Variants in PRKAG1 observed in about 807,000 individuals in gnomAD.
The protein encoded by PRKAG1 is protein kinase AMP-activated non-catalytic subunit gamma 1.
In PRKAG1, 27 loss-of-function variants were observed where a neutral mutation model predicts 48.2. The ratio of observed to expected loss-of-function variants is 0.56; its 90% confidence interval spans 0.41 to 0.77. The LOEUF is 0.77. PRKAG1 is among the 30% of genes least tolerant of loss of function. PRKAG1 has a pLI of 0.00. For missense variants in PRKAG1, 287 were observed against 398.3 expected (o/e 0.72, Z 2.38); for synonymous variants, 130 against 147.7 (o/e 0.88, Z 0.87).
intron 10 of PRKAG1, 42 bp downstream of exon 10, chr12:49,003,516 C>T (rs181178231): frequency 1.6e-5 from 26 of 1,600,662 alleles, no homozygotes; most frequent in South Asian, 9.9e-5. Context: ...GTGCCCCCCC[C>T]CCACCACTTC....
At chr12:49,004,192 T>G (rs1257802710) in intron 8 of PRKAG1, 17 of 518,450 alleles carry the variant, frequency 3.3e-5, no homozygotes, top group Non-Finnish European at 5.3e-5. Flanking sequence ...TTCTGGGGGT[T>G]GAGGTCGGGG....
rs200606048 is a variant in PRKAG1 at position 49,003,186 on chromosome 12, A to G, written c.846T>C (p.His282=). The change falls in exon 11 of 12, where the codon CAT becomes CAC. Residue 282 remains histidine (H), a synonymous_variant. Transcript: ENST00000548065. ...TGTTGATGATGGTCTCCAGAGTCTC[A>G]TGCAGGTAGCACTTGAGAACACCCT... ...YFEGVLKCYL[H]ETLETIINRL... 2.5e-6 allele frequency: 4 copies of G among 1,614,154 alleles called. No homozygotes were observed. The highest frequency in any genetic ancestry group is 3.4e-6 in the Non-Finnish European group (4 of 1,180,028).
intron 2 of PRKAG1, among the ~76,000 whole-genome samples, chr12:49,006,220 T>G (rs1941529437): frequency 6.6e-6 from 1 of 152,204 alleles, no homozygotes; most frequent in African/African-American, 2.4e-5. Context: ...TCCTCTTTTT[T>G]CAATGAAGTA....
intron 2 of PRKAG1, chr12:49,008,549 T>C (rs765255724): frequency 6.6e-6 from 1 of 152,188 alleles, no homozygotes; most frequent in Non-Finnish European, 1.5e-5. Flanking sequence ...CGCGTTTTTA[T>C]CTTTTTTGAT....
chr12:49,005,079 G>T lies in PRKAG1; in HGVS notation c.355+41C>A. ...ATGGAAAAGTGTTTCCCAGAAACCC[G>T]CCATCCCTTTATCCTTTTATAACCC... On this transcript the variant is annotated intron_variant, in intron 6 of 11. Transcript: ENST00000548065. The surrounding 1 kb of genome is among the most constrained non-coding windows in gnomAD (Gnocchi z 4.1). The T allele has an allele frequency of 6.2e-7, 1 of 1,612,816 alleles. No homozygotes were observed. The highest frequency in any genetic ancestry group is 1.3e-5 in the African/African-American group (1 of 74,814).
chr12:49,016,086 T>C (rs1941958204), intron 1 of PRKAG1, among the ~76,000 whole-genome samples: 1 of 151,872 alleles, frequency 6.6e-6, no homozygotes, highest in Non-Finnish European at 1.5e-5. Context: ...TACAGGAACA[T>C]ACCACCAGGC....
chr12:49,006,120 T>C (rs1210868496), intron 2 of PRKAG1, among the ~76,000 whole-genome samples: 1 of 152,218 alleles, frequency 6.6e-6, no homozygotes, highest in Non-Finnish European at 1.5e-5. Context: ...ATAAAGCCTA[T>C]AGTATCTCTC....
rs34375562 is a variant in PRKAG1 at position 49,004,813 on chromosome 12, C to CTTTGTG, written c.410+150_410+151insCACAAA. 18 of 714,342 alleles carry CTTTGTG rather than the reference C, an allele frequency of 2.5e-5. No homozygotes were observed. In the African/African-American group the frequency reaches 3.5e-4, roughly 14 times the overall value. 44.3% of individuals were successfully genotyped at this position (714,342 alleles called of 1,614,324 possible). A position where few individuals can be genotyped will look rare whatever the true frequency, so the allele number is the denominator to read the frequency against. On this transcript the variant is annotated intron_variant, in intron 7 of 11. Transcript: ENST00000548065. The stretch of plus-strand genomic sequence containing the variant: ...AGTGAGAATGAGAGAGAGAGAGAGA[C>CTTTGTG]TGTGTGTGTGTGTGTGTGTGTGTGT...
chr12:49,013,087 T>G lies in PRKAG1; in HGVS notation c.33A>C (p.Pro11=), dbSNP rs192285735. 2.7e-5 allele frequency: 44 copies of G among 1,613,860 alleles called. No individual in the cohort carries two copies. The Admixed American group carries it at 7.3e-4, about 27-fold the overall frequency. ...CTTGAGGATGCTCATTTTCCACAGC[T>G]GGGGAGCTATCTGAAGAAATGACCT... METVISSDSS[P]AVENEHPQET... Residue 11 remains proline, a synonymous_variant, in exon 2 of 12, where the codon CCA becomes CCC. Transcript: ENST00000548065.
intron 2 of PRKAG1, among the ~76,000 whole-genome samples, chr12:49,010,063 G>C (rs1941695670): frequency 6.6e-6 from 1 of 152,094 alleles, no homozygotes; most frequent in Non-Finnish European, 1.5e-5. Context: ...ACATGAGGTT[G>C]GGAGAGGCAG....
In PRKAG1 at chr12:49,005,674, G is replaced by T; in HGVS notation, c.168+69C>A. On this transcript the variant is annotated intron_variant, in intron 3 of 11. Transcript: ENST00000548065. This position sits in a 1 kb window ranked among gnomAD's most constrained non-coding sequence, Gnocchi z 4.1. ...AGAAGGATAAGGATATTACCCTTAG[G>T]ATGAGATAGGATGAGAGGTATTAAA... The T allele has an allele frequency of 6.2e-7, 1 of 1,606,614 alleles. No individual in the cohort carries two copies. The highest frequency in any genetic ancestry group is 8.5e-7 in the Non-Finnish European group (1 of 1,173,554).
Position 49,005,465 on chromosome 12 carries a change from C to A in PRKAG1, c.247G>T (p.Val83Leu), listed in dbSNP as rs757527010. The change falls in exon 4 of 12, where the codon GTG becomes TTG. Residue 83 changes from valine to leucine, a missense_variant. This residue lies in a region of PRKAG1 where 224 missense variants were observed against 344.3 expected (regional missense o/e 0.65). Transcript: ENST00000548065. This position sits in a 1 kb window ranked among gnomAD's most constrained non-coding sequence, Gnocchi z 4.1. ...PLWDSKKQSF[V>L]GMLTITDFIN... ...TGTTCCAGAAACTTTTGCTTACCCACAAAACTTTGCTTCTTACTATCCCAT... is the reference window on the plus strand; with the variant it reads ...TGTTCCAGAAACTTTTGCTTACCCAAAAAACTTTGCTTCTTACTATCCCAT... The A allele has an allele frequency of 6.2e-7, 1 of 1,614,134 alleles. No individual in the cohort carries two copies. The highest frequency in any genetic ancestry group is 1.1e-5 in the South Asian group (1 of 91,084).
Position 49,003,194 on chromosome 12 carries a change from A to T in PRKAG1, c.838T>A (p.Tyr280Asn). 1 of 1,614,178 alleles carries T rather than the reference A, an allele frequency of 6.2e-7. No individual in the cohort carries two copies. The highest frequency in any genetic ancestry group is 8.5e-7 in the Non-Finnish European group (1 of 1,180,022). The change falls in exon 11 of 12, where the codon TAC (tyrosine) becomes AAC (asparagine). Residue 280 changes from tyrosine to asparagine, a missense_variant. Tyr to Asn is a moderately radical substitution (Grantham distance 143). Around this residue, in one of 2 missense-constraint regions of PRKAG1, gnomAD observed 224 missense variants for 344.3 expected, o/e 0.65. Transcript: ENST00000548065. The part of the protein sequence containing the change: ...SHYFEGVLKC[Y>N]LHETLETIIN... ...ATGGTCTCCAGAGTCTCATGCAGGT[A>T]GCACTTGAGAACACCCTCAAAGTAA...
intron 2 of PRKAG1, among the ~76,000 whole-genome samples, chr12:49,006,357 G>A (rs1013671314): frequency 2.0e-5 from 3 of 151,436 alleles, no homozygotes; most frequent in Non-Finnish European, 2.9e-5. Flanking sequence ...GGGCAACACA[G>A]CGAACCCCTG....
rs749813516 is a variant in PRKAG1 at position 49,005,519 on chromosome 12, C to T, written c.193G>A (p.Val65Met). ...GGGGCAGCTCGTACACCGTTAGTCACCAAAGCAAAAAAAGCTTTCTTCACC... is the reference window on the plus strand; with the variant it reads ...GGGGCAGCTCGTACACCGTTAGTCATCAAAGCAAAAAAAGCTTTCTTCACC... Reference protein sequence around the residue: ...LQVKKAFFALVTNGVRAAPLW... With the variant: ...LQVKKAFFALMTNGVRAAPLW... The change falls in exon 4 of 12, where the codon GTG becomes ATG. Residue 65 changes from valine (V) to methionine (M), a missense_variant. Physicochemically the swap from Val to Met is conservative, Grantham distance 21. Transcript: ENST00000548065. The surrounding 1 kb of genome is among the most constrained non-coding windows in gnomAD (Gnocchi z 4.1). 1.5e-5 allele frequency: 25 copies of T among 1,613,954 alleles called. No homozygotes were observed. Among genetic ancestry groups the T allele is most frequent in the Non-Finnish European group, 2.1e-5 (25 of 1,180,008 alleles).
At chr12:49,016,575 T>A (rs932681361) in intron 1 of PRKAG1, 1 of 152,594 alleles carries the variant, frequency 6.6e-6, no homozygotes, top group Non-Finnish European at 1.5e-5. Context: ...ATTGCCAATA[T>A]CACAGCCTTA....
Position 49,018,748 on chromosome 12 carries a change from G to C in PRKAG1, c.-8C>G, listed in dbSNP as rs370096933. On this transcript the variant is annotated 5_prime_UTR_variant, in exon 1 of 12. Transcript: ENST00000548065. ...ACTCCTCACCGTCTCCATTGCAAGAGGCGCCCGGCTTGGTTTCCTCGCTTT... is the reference window on the plus strand; with the variant it reads ...ACTCCTCACCGTCTCCATTGCAAGACGCGCCCGGCTTGGTTTCCTCGCTTT... The C allele has an allele frequency of 6.2e-7, 1 of 1,612,798 alleles. No homozygotes were observed. Among genetic ancestry groups the C allele is most frequent in the Non-Finnish European group, 8.5e-7 (1 of 1,180,010 alleles).
chr12:49,002,950 C>G lies in PRKAG1; in HGVS notation c.945G>C (p.Leu315=), dbSNP rs1343897530. 1.9e-6 allele frequency: 3 copies of G among 1,614,228 alleles called. No individual in the cohort carries two copies. The highest frequency in any genetic ancestry group is 2.7e-5 in the African/African-American group (2 of 75,052). ...GCACCAGGGCCTGCAGGATGTCAGA[C>G]AGTGATACAATTCCCTTGACCACAT... ...ENDVVKGIVS[L]SDILQALVLT... The change falls in exon 12 of 12, where the codon CTG becomes CTC. Residue 315 remains leucine (L), a synonymous_variant. Coordinates refer to ENST00000548065, the MANE Select transcript of PRKAG1 (RefSeq NM_002733.5).
intron 2 of PRKAG1, chr12:49,012,823 T>C (rs1236257038): frequency 2.0e-6 from 1 of 501,772 alleles, no homozygotes; most frequent in African/African-American, 2.0e-5. Context: ...AAGTTTTGCC[T>C]GTACCTCAGA....
Sources: gnomAD v4.1 joint callset for allele counts (sites outside exome capture counted in the v4.1 genomes callset) on GRCh38, gnomAD v4.1.1 for gene constraint, gnomAD v4.1.1 regional missense constraint, Gnocchi (gnomAD v3.1) non-coding constraint, MANE v1.5 for transcripts, NCBI Gene and HGNC (gene_info 2026-07-23, HGNC 2026-07-21) for gene names.